Variants in EYA1 observed in about 807,000 individuals in gnomAD.
EYA1 encodes protein phosphatase EYA1.
EYA1 carries 16 observed loss-of-function variants against 82.0 expected under a neutral mutation model. That is an observed-to-expected ratio of 0.20 (90% confidence interval 0.13 to 0.30). The LOEUF is 0.30. Among genes scored for constraint, EYA1 ranks in the 10% least tolerant of loss-of-function variants. EYA1 has a pLI of 1.00. For synonymous variants in EYA1, 261 were observed against 264.4 expected (o/e 0.99, Z 0.12); for missense variants, 633 against 730.7 (o/e 0.87, Z 1.54).
upstream of EYA1, among the ~76,000 whole-genome samples, chr8:71,363,396 C>T (rs1304002626): frequency 6.6e-6 from 1 of 152,138 alleles, no homozygotes; most frequent in Non-Finnish European, 1.5e-5. Context: ...GTATGCCAAT[C>T]TGAATTCCTC....
At chr8:71,483,872 T>C (rs1286725159) in intron 2 of EYA1, among the ~76,000 whole-genome samples, 1 of 152,036 alleles carries the variant, frequency 6.6e-6, no homozygotes, top group Admixed American at 6.6e-5. Flanking sequence ...GGTATGAAAT[T>C]GGAGGTGGGA....
At chr8:71,474,168 G>T (rs1251557554) in intron 2 of EYA1, among the ~76,000 whole-genome samples, 1 of 146,552 alleles carries the variant, frequency 6.8e-6, no homozygotes, top group African/African-American at 2.6e-5. Context: ...TGCACGTTCT[G>T]CACATGTATC....
At chr8:71,513,847 C>T (rs907964341) in intron 2 of EYA1, among the ~76,000 whole-genome samples, 5 of 152,046 alleles carry the variant, frequency 3.3e-5, no homozygotes, top group Non-Finnish European at 7.4e-5. Context: ...ACATGCGATG[C>T]TTTTCTTTCT....
At chr8:71,206,879 C>T (rs922654389) in intron 17 of EYA1, among the ~76,000 whole-genome samples, 1 of 152,108 alleles carries the variant, frequency 6.6e-6, no homozygotes, top group Non-Finnish European at 1.5e-5. Flanking sequence ...CTTCAGCCTC[C>T]TGAGTAGCTG....
At chr8:71,266,704 C>T (rs375733217) in intron 11 of EYA1, among the ~76,000 whole-genome samples, 1 of 152,146 alleles carries the variant, frequency 6.6e-6, no homozygotes, top group Non-Finnish European at 1.5e-5. Context: ...CTGCCATCTC[C>T]TGTACTGACT....
At chr8:71,290,853 CAACAACCCAA>C (rs938370890) in intron 9 of EYA1, among the ~76,000 whole-genome samples, 8 of 152,064 alleles carry the variant, frequency 5.3e-5, no homozygotes, top group African/African-American at 1.9e-4. Flanking sequence ...CAAACAAACC[CAACAACCCAA>C]AACAAACATC....
chr8:71,238,462 G>GAAAT (rs1174384942), intron 12 of EYA1, among the ~76,000 whole-genome samples: 3 of 152,032 alleles, frequency 2.0e-5, no homozygotes, highest in African/African-American at 7.2e-5. Flanking sequence ...GAGAAAGAAA[G>GAAAT]ACATCTCATT....
At chr8:71,385,932 G>A (rs1353846814) in intron 2 of EYA1, among the ~76,000 whole-genome samples, 1 of 152,158 alleles carries the variant, frequency 6.6e-6, no homozygotes, top group African/African-American at 2.4e-5. Flanking sequence ...CACTAATAGA[G>A]ATCAGGTGGA....
At chr8:71,395,387 C>A (rs565040025) in intron 2 of EYA1, among the ~76,000 whole-genome samples, 1 of 152,192 alleles carries the variant, frequency 6.6e-6, no homozygotes, top group South Asian at 2.1e-4. Context: ...AAAGGGAATG[C>A]TTCCAGTTTT....
chr8:71,367,003 T>C (rs1042471144), upstream of EYA1, among the ~76,000 whole-genome samples: 11 of 152,162 alleles, frequency 7.2e-5, no homozygotes, highest in African/African-American at 2.7e-4. Context: ...TCTGAAAACA[T>C]ATTGCAAGTT....
Position 71,216,863 on chromosome 8 carries a change from G to A in EYA1, c.1200-11C>T. ...CCAAAGTTATATGTGCTATTTATAT[G>A]CAAGAAAAGCCCAAAGTTAGCCGAA... On this transcript the variant is annotated splice_polypyrimidine_tract_variant and intron_variant, in intron 13 of 17. Coordinates refer to ENST00000340726, the MANE Select transcript of EYA1 (RefSeq NM_000503.6). The A allele has an allele frequency of 6.2e-7, 1 of 1,614,030 alleles. No homozygotes were observed. The highest frequency in any genetic ancestry group is 8.5e-7 in the Non-Finnish European group (1 of 1,179,954).
chr8:71,299,536 C>T (rs1455124144), intron 8 of EYA1, 102 bp downstream of exon 8: 1 of 808,128 alleles, frequency 1.2e-6, no homozygotes, highest in Non-Finnish European at 2.2e-6. Context: ...CTACTAAAAG[C>T]CTTAGGAAAG....
chr8:71,408,885 T>G (rs1389844149), intron 2 of EYA1, among the ~76,000 whole-genome samples: 1 of 112,578 alleles, frequency 8.9e-6, no homozygotes, highest in Non-Finnish European at 1.8e-5. Flanking sequence ...AATAGACATC[T>G]ACAGAACTCT....
chr8:71,427,251 C>T (rs1805299520), intron 2 of EYA1, among the ~76,000 whole-genome samples: 1 of 152,164 alleles, frequency 6.6e-6, no homozygotes, highest in South Asian at 2.1e-4. Context: ...TTACACGAGG[C>T]AAGCCCTGCT....
chr8:71,229,798 G>T (rs1057433307), intron 12 of EYA1, among the ~76,000 whole-genome samples: 2 of 152,162 alleles, frequency 1.3e-5, no homozygotes, highest in Non-Finnish European at 2.9e-5. Flanking sequence ...AATTGAAAAG[G>T]ATGATATCTT....
chr8:71,225,506 G>A (rs1305662118), intron 12 of EYA1, among the ~76,000 whole-genome samples: 1 of 152,182 alleles, frequency 6.6e-6, no homozygotes, highest in Non-Finnish European at 1.5e-5. Context: ...AAGGAGTTTT[G>A]AAATTTGCCC....
At position 71,247,593 on chromosome 8, in the gene EYA1, T is replaced by C. The variant is rs375864324; in HGVS notation, c.1051-2901A>G. ...TACACCTGAAATCTATGAAATTCTATGAAATTTCATAGGTTTTAGGAGAAT... is the reference window on the plus strand; with the variant it reads ...TACACCTGAAATCTATGAAATTCTACGAAATTTCATAGGTTTTAGGAGAAT... On this transcript the variant is annotated intron_variant, in intron 11 of 17. Transcript: ENST00000340726. Among the ~76,000 whole-genome samples the C allele has an allele frequency of 6.6e-5, 10 of 152,296 alleles. No homozygotes were observed. The South Asian group carries it at 1.0e-3, about 16-fold the overall frequency.
chr8:71,213,878 A>C (rs897496857), intron 16 of EYA1, among the ~76,000 whole-genome samples: 1 of 152,226 alleles, frequency 6.6e-6, no homozygotes, highest in Admixed American at 6.5e-5. Context: ...CATTCATTCA[A>C]CAAATTCATC....
At chr8:71,304,479 C>T (rs1157015125) in intron 7 of EYA1, among the ~76,000 whole-genome samples, 1 of 142,602 alleles carries the variant, frequency 7.0e-6, no homozygotes, top group Non-Finnish European at 1.6e-5. Flanking sequence ...GCCTCAGAGT[C>T]ATTAGGAAGT....
Sources: gnomAD v4.1 joint callset for allele counts (sites outside exome capture counted in the v4.1 genomes callset) on GRCh38, gnomAD v4.1.1 for gene constraint, MANE v1.5 for transcripts, NCBI Gene and HGNC (gene_info 2026-07-23, HGNC 2026-07-21) for gene names.